ASCC3: variants seen among roughly 807,000 people sequenced by gnomAD.
ASCC3 encodes ASC-1 complex subunit P200.
A neutral mutation model predicts 256.3 loss-of-function variants in ASCC3; 158 were observed. The observed-to-expected ratio is 0.62, with a 90% CI of 0.54 to 0.70. The LOEUF is 0.70. ASCC3 is among the 30% of genes least tolerant of loss of function. ASCC3 has a pLI of 0.00. For synonymous variants in ASCC3, 948 were observed against 883.4 expected, an observed-to-expected ratio of 1.07 and a Z score of -1.30; for missense variants, 2,259 against 2,626.0, an observed-to-expected ratio of 0.86 and a Z score of 3.05.
intron 16 of ASCC3, among the ~76,000 whole-genome samples, chr6:100,661,359 A>ACACACACACACACACAC (rs1491295311): frequency 6.7e-6 from 1 of 149,920 alleles, no homozygotes; most frequent in Non-Finnish European, 1.5e-5. Flanking sequence ...ACACACACAC[A>ACACACACACACACACAC]AAACAAATGA....
chr6:100,710,155 C>T (rs1258430845), intron 13 of ASCC3, among the ~76,000 whole-genome samples: 1 of 152,184 alleles, frequency 6.6e-6, no homozygotes, highest in Non-Finnish European at 1.5e-5. Context: ...GACTCTTAAA[C>T]TGCAATCATA....
rs530770636 is a variant in ASCC3, at chr6:100,629,432, C to G, written c.4209-251G>C. Among the ~76,000 whole-genome samples, 3 of 152,054 alleles carry G rather than the reference C, an allele frequency of 2.0e-5. No homozygotes were observed. In the East Asian group the frequency reaches 5.8e-4, roughly 29 times the overall value. On this transcript the variant is annotated intron_variant, in intron 26 of 41. Coordinates refer to ENST00000369162, the MANE Select transcript of ASCC3 (RefSeq NM_006828.4). ...CATATCTAACTTTTATACAGATATA[C>G]AAGGATATCAAACTTTGCTTTAATT...
At chr6:100,544,544 C>T (rs1331429260) in intron 36 of ASCC3, among the ~76,000 whole-genome samples, 1 of 151,758 alleles carries the variant, frequency 6.6e-6, no homozygotes, top group Non-Finnish European at 1.5e-5. Flanking sequence ...CAGCTTTATG[C>T]CTTTACCTGT....
At chr6:100,518,970 T>C (rs1362458080) in intron 37 of ASCC3, among the ~76,000 whole-genome samples, 1 of 152,110 alleles carries the variant, frequency 6.6e-6, no homozygotes, top group Non-Finnish European at 1.5e-5. Flanking sequence ...TAGATATGCC[T>C]AGCAAATAAT....
intron 11 of ASCC3, among the ~76,000 whole-genome samples, chr6:100,718,630 C>T (rs1388012805): frequency 2.6e-5 from 4 of 151,900 alleles, no homozygotes; most frequent in African/African-American, 9.7e-5. Context: ...TGTGGTGGCA[C>T]ACATTTGTAG....
At chr6:100,727,111 A>T (rs977627669) in intron 10 of ASCC3, among the ~76,000 whole-genome samples, 1 of 152,218 alleles carries the variant, frequency 6.6e-6, no homozygotes, top group Middle Eastern at 3.4e-3. Flanking sequence ...GTAAAATTAC[A>T]CTATTTTGTT....
intron 8 of ASCC3, among the ~76,000 whole-genome samples, chr6:100,788,694 C>A (rs1001491122): frequency 1.3e-5 from 2 of 150,952 alleles, no homozygotes; most frequent in African/African-American, 4.9e-5. Context: ...GTGACAGAAA[C>A]CAGATTCAAA....
At chr6:100,694,723 T>G (rs541368069) in intron 13 of ASCC3, among the ~76,000 whole-genome samples, 1 of 152,098 alleles carries the variant, frequency 6.6e-6, no homozygotes, top group Admixed American at 6.6e-5. Flanking sequence ...AATTGTATAG[T>G]GATAGATTGT....
Position 100,720,773 on chromosome 6 carries a change from A to G in ASCC3, c.1903-2522T>C, listed in dbSNP as rs114339104. On this transcript the variant is annotated intron_variant, in intron 11 of 41. Transcript: ENST00000369162. ...AAAACGATATAATTAGAATTTGATT[A>G]CAATATACAGATGACAATGTGAAGA... Among the ~76,000 whole-genome samples, 910 of 150,640 alleles carry G rather than the reference A, an allele frequency of 6.0e-3. 13 individuals carry two copies. Among genetic ancestry groups the G allele is most frequent in the African/African-American group, 0.021 (861 of 41,300 alleles).
At chr6:100,829,011 G>A (rs1280642756) in intron 4 of ASCC3, among the ~76,000 whole-genome samples, 4 of 152,098 alleles carry the variant, frequency 2.6e-5, no homozygotes, top group Non-Finnish European at 4.4e-5. Flanking sequence ...GGTTCTCCAC[G>A]ACTAGATTAG....
chr6:100,806,559 G>C (rs1213770563), intron 4 of ASCC3, among the ~76,000 whole-genome samples: 1 of 151,848 alleles, frequency 6.6e-6, no homozygotes, highest in Non-Finnish European at 1.5e-5. Flanking sequence ...GTTTCCGCGA[G>C]TATGATCTGG....
chr6:100,623,038 CTT>C (rs1392492046), intron 30 of ASCC3, among the ~76,000 whole-genome samples: 7 of 152,040 alleles, frequency 4.6e-5, no homozygotes, highest in Non-Finnish European at 8.8e-5. Context: ...ATTTGGAAGA[CTT>C]TTAGGATAAC....
Position 100,622,365 on chromosome 6 carries a change from C to T in ASCC3, c.4785+2827G>A, listed in dbSNP as rs117802969. 9.4e-3 allele frequency among the ~76,000 whole-genome samples: 1,426 copies of T among 152,144 alleles called. 8 individuals carry two copies. Among genetic ancestry groups the T allele is most frequent in the Non-Finnish European group, 0.014 (977 of 67,984 alleles). On this transcript the variant is annotated intron_variant, in intron 30 of 41. Transcript: ENST00000369162. ...CTCACAAGATCTGATCGTTTTATAC[C>T]GGGCTCTTCCCCTTTTGCTCAGCAC...
At chr6:100,730,863 C>T (rs528744417) in intron 10 of ASCC3, among the ~76,000 whole-genome samples, 4 of 152,110 alleles carry the variant, frequency 2.6e-5, no homozygotes, top group East Asian at 1.9e-4. Flanking sequence ...AATTCACATG[C>T]ACGAATGCAC....
intron 10 of ASCC3, 79 bp downstream of exon 10, chr6:100,766,486 A>T: frequency 7.3e-7 from 1 of 1,369,832 alleles, no homozygotes; most frequent in Non-Finnish European, 1.0e-6. Context: ...TAGTTATTTA[A>T]GATATAGTCA....
chr6:100,679,337 T>C (rs180963), intron 14 of ASCC3, among the ~76,000 whole-genome samples: 78,984 of 151,840 alleles, frequency 0.52, 20,656 homozygotes, highest in Middle Eastern at 0.63. Flanking sequence ...GATGTTAACA[T>C]AGGATATGAA....
At chr6:100,836,598 G>T (rs545235617) in intron 4 of ASCC3, among the ~76,000 whole-genome samples, 5 of 152,032 alleles carry the variant, frequency 3.3e-5, no homozygotes, top group Admixed American at 3.3e-4. Context: ...ATCCCTCTTG[G>T]TCATGGTGAA....
At chr6:100,681,725 C>CAAAAAAAAAAAAA (rs10696130) in intron 13 of ASCC3, among the ~76,000 whole-genome samples, 1 of 58,684 alleles carries the variant, frequency 1.7e-5, no homozygotes, top group East Asian at 6.7e-4. Flanking sequence ...GACTCCGTCT[C>CAAAAAAAAAAAAA]AAAAAAAAAA....
chr6:100,531,027 C>T (rs1268505047), intron 37 of ASCC3: 2 of 1,592,448 alleles, frequency 1.3e-6, no homozygotes, highest in East Asian at 4.5e-5. Flanking sequence ...CCTCAAACTG[C>T]TGGGACAAAA....
Sources: allele counts gnomAD v4.1 joint callset (sites outside exome capture counted in the v4.1 genomes callset), GRCh38; gene constraint gnomAD v4.1.1; transcripts MANE v1.5; gene names NCBI Gene and HGNC (gene_info 2026-07-23, HGNC 2026-07-21).